C2CD4D: variants seen among roughly 807,000 people sequenced by gnomAD.
The protein encoded by C2CD4D is C2 calcium-dependent domain-containing protein 4D.
In C2CD4D, 1 loss-of-function variant was observed where a neutral mutation model predicts 0.2. The observed-to-expected ratio is 4.00, with a 90% CI of 1.42 to 18.99. C2CD4D has a LOEUF of 18.99. Among genes scored for constraint, C2CD4D ranks in the 30% most tolerant of loss-of-function variants. The pLI is 0.11. For synonymous variants in C2CD4D, 269 were observed against 279.8 expected, an observed-to-expected ratio of 0.96 and a Z score of 0.39; for missense variants, 552 against 551.2, an observed-to-expected ratio of 1.00 and a Z score of -0.01.
At chr1:151,838,610 A>C (rs747988147) in exon 2 of C2CD4D, 1 of 1,312,650 alleles carries the variant, frequency 7.6e-7, no homozygotes. Context: ...CGGGGCGGAG[A>C]CGTGCAGCCG....
chr1:151,839,027 G>C, exon 2 of C2CD4D: 5 of 1,544,708 alleles, frequency 3.2e-6, no homozygotes, highest in Non-Finnish European at 4.4e-6. Flanking sequence ...ATTCCGCAGG[G>C]CCGAGAGGGT....
exon 2 of C2CD4D, chr1:151,838,843 C>G (rs1558176598): frequency 3.3e-6 from 5 of 1,504,696 alleles, no homozygotes; most frequent in Non-Finnish European, 4.4e-6. Flanking sequence ...TGAAGAACTG[C>G]GGGATGCGAT....
rs891916967 is a variant in C2CD4D at position 151,838,189 on chromosome 1, G to A, written c.801C>T (p.Arg267=). The A allele has an allele frequency of 2.6e-6, 4 of 1,549,678 alleles. No individual in the cohort carries two copies. The African/African-American group carries it at 5.5e-5, about 21-fold the overall frequency. ...GGCTCTGCTGCTCCCGCGGCCGGACGCGGGGCCGCAGCCTCAGCACCACAC... is the reference window on the plus strand; with the variant it reads ...GGCTCTGCTGCTCCCGCGGCCGGACACGGGGCCGCAGCCTCAGCACCACAC... Residue 267 remains arginine, a synonymous_variant, in exon 2 of 2, where the codon CGC becomes CGT. Transcript: ENST00000454109.
chr1:151,838,456 A>G (rs1201931212), exon 2 of C2CD4D: 2 of 1,400,132 alleles, frequency 1.4e-6, no homozygotes, highest in Admixed American at 3.1e-5. Context: ...GCGGGCTGGT[A>G]TCGGCCGAGC....
Position 151,838,963 on chromosome 1 carries a change from A to C in C2CD4D, c.27T>G (p.Tyr9Ter), listed in dbSNP as rs1019109809. The C allele has an allele frequency of 2.6e-6, 4 of 1,550,022 alleles. No homozygotes were observed. The highest frequency in any genetic ancestry group is 2.6e-6 in the Non-Finnish European group (3 of 1,146,582). ...CCGCAGGCTCCGCGGCCCCCACCTT[A>C]TAGCCAGCTTTTTCCAAGAGCCACA... Residue 9 changes from tyrosine to a stop codon, truncating the protein, a stop_gained, in exon 2 of 2, where the codon TAT becomes TAG. Transcript: ENST00000454109. LOFTEE classifies it low-confidence loss of function (END_TRUNC).
chr1:151,838,622 G>C, exon 2 of C2CD4D: 1 of 1,318,938 alleles, frequency 7.6e-7, no homozygotes, highest in Non-Finnish European at 9.6e-7. Flanking sequence ...GTGCAGCCGG[G>C]ACTGCGCCGC....
chr1:151,838,427 CCGGCGCGGCG>C lies in C2CD4D; in HGVS notation c.553_562del (p.Arg185GlyfsTer51). ...GTGGAAGAGCGGCGGCGTGGGCGGCCCGGCGCGGCGCGGCGAGTGCGGGCTGGTATCGGCC... is the reference window on the plus strand; with the variant it reads ...GTGGAAGAGCGGCGGCGTGGGCGGCCCGGCGAGTGCGGGCTGGTATCGGCC... On this transcript the variant is annotated frameshift_variant, in exon 2 of 2. Coordinates refer to ENST00000454109, the Ensembl canonical transcript of C2CD4D. LOFTEE classifies it low-confidence loss of function (END_TRUNC). 4 of 1,424,754 alleles carry C rather than the reference CCGGCGCGGCG, an allele frequency of 2.8e-6. 1 individual carries two copies. Among genetic ancestry groups the C allele is most frequent in the South Asian group, 2.9e-5 (2 of 69,072 alleles). 88.3% of individuals were successfully genotyped at this position (1,424,754 alleles called of 1,614,324 possible).
At chr1:151,839,940 G>T (rs1343736885) in intron 1 of C2CD4D, among the ~76,000 whole-genome samples, 120 bp from the exon 1 acceptor site, 1 of 152,174 alleles carries the variant, frequency 6.6e-6, no homozygotes, top group Non-Finnish European at 1.5e-5. Context: ...GTCTCCGGAA[G>T]GCTCCGCCAC....
At chr1:151,837,989 G>T in exon 2 of C2CD4D, 2 of 1,550,280 alleles carry the variant, frequency 1.3e-6, no homozygotes, top group Non-Finnish European at 1.7e-6. Flanking sequence ...ACCCAGCGGG[G>T]GCAGCAGCGC....
At chr1:151,838,902 G>A in exon 2 of C2CD4D, 2 of 1,547,378 alleles carry the variant, frequency 1.3e-6, no homozygotes, top group Non-Finnish European at 1.7e-6. Context: ...CCCGGGGCGC[G>A]ACGCTTGGAG....
chr1:151,838,507 G>A, exon 2 of C2CD4D: 1 of 1,374,294 alleles, frequency 7.3e-7, no homozygotes, highest in Non-Finnish European at 9.4e-7. Flanking sequence ...TGGACACCCG[G>A]CGCCGGCCCA....
chr1:151,838,206 G>A (rs1046615452), exon 2 of C2CD4D: 2 of 1,521,542 alleles, frequency 1.3e-6, no homozygotes, highest in South Asian at 1.2e-5. Context: ...CGCAGCCTCA[G>A]CACCACACAG....
rs528233012 is a variant in C2CD4D at position 151,838,459 on chromosome 1, G to C, written c.531C>G (p.Ala177=). The change falls in exon 2 of 2, where the codon GCC becomes GCG. Residue 177 remains alanine, a synonymous_variant. Transcript: ENST00000454109. ...GGCGCGGCGAGTGCGGGCTGGTATC[G>C]GCCGAGCTCGCTTTTTCTGGGGACA... The C allele has an allele frequency of 5.6e-4, 789 of 1,399,250 alleles. 9 individuals are homozygous for C. In the Admixed American group the frequency reaches 0.023, roughly 41 times the overall value. 86.7% of individuals were successfully genotyped at this position (1,399,250 alleles called of 1,614,324 possible).
exon 2 of C2CD4D, chr1:151,839,176 A>T: frequency 1.7e-6 from 1 of 595,634 alleles, no homozygotes; most frequent in Non-Finnish European, 2.9e-6. Flanking sequence ...GGGAGCGCGG[A>T]CCCCTATTTG....
exon 2 of C2CD4D, chr1:151,838,493 G>A: frequency 1.4e-6 from 2 of 1,384,756 alleles, no homozygotes; most frequent in Non-Finnish European, 9.3e-7. Flanking sequence ...CAGAGAGTGA[G>A]GCCTGGACAC....
exon 2 of C2CD4D, chr1:151,839,086 G>A (rs1652693744): frequency 7.3e-7 from 1 of 1,361,358 alleles, no homozygotes. Context: ...GGCTGGGCGA[G>A]GAGCGCAGAG....
At chr1:151,838,732 C>T (rs950407117) in exon 2 of C2CD4D, 6 of 1,335,644 alleles carry the variant, frequency 4.5e-6, no homozygotes, top group Non-Finnish European at 5.7e-6. Flanking sequence ...CTTCGCGGCC[C>T]GCCAGGTGAG....
chr1:151,838,630 C>G (rs1652664637), exon 2 of C2CD4D: 2 of 1,320,670 alleles, frequency 1.5e-6, no homozygotes, highest in Non-Finnish European at 1.9e-6. Context: ...GGGACTGCGC[C>G]GCGGGGAGTC....
At chr1:151,838,078 G>A (rs1305472259) in exon 2 of C2CD4D, 2 of 1,551,482 alleles carry the variant, frequency 1.3e-6, no homozygotes, top group Admixed American at 2.0e-5. Context: ...TGGCTCTCAG[G>A]CTGCGGGCGG....
Sources: gnomAD v4.1 joint callset for allele counts (sites outside exome capture counted in the v4.1 genomes callset) on GRCh38, gnomAD v4.1.1 for gene constraint, MANE v1.5 for transcripts, NCBI Gene and HGNC (gene_info 2026-07-23, HGNC 2026-07-21) for gene names.